The following LRBA variants were observed in gnomAD, a reference collection of about 807,000 sequenced individuals.
LRBA encodes lipopolysaccharide-responsive and beige-like anchor protein.
A neutral mutation model predicts 330.0 loss-of-function variants in LRBA; 176 were observed. That is an observed-to-expected ratio of 0.53 (90% confidence interval 0.47 to 0.60). The LOEUF (loss-of-function observed/expected upper bound fraction) is 0.60, where lower values mean the gene tolerates loss of function less well. Ranked by LOEUF, LRBA falls within the 20% of genes least tolerant of loss-of-function variation. LRBA has a pLI of 0.00. For synonymous variants in LRBA, 1,230 were observed against 1,193.0 expected, an observed-to-expected ratio of 1.03 and a Z score of -0.64; for missense variants, 3,259 against 3,444.8, an observed-to-expected ratio of 0.95 and a Z score of 1.35.
rs373680922 is a variant in LRBA at position 150,490,978 on chromosome 4, T to C, written c.6388A>G (p.Ile2130Val). The C allele has an allele frequency of 6.8e-6, 11 of 1,610,342 alleles. No homozygotes were observed. In the African/African-American group the frequency reaches 8.0e-5, roughly 12 times the overall value. ...GKWLFTEIRSIFSRRYLLQNT... is the reference protein window; with the variant it reads ...GKWLFTEIRSVFSRRYLLQNT... ...TGCAAAAGATAACGACGAGAAAAGATTGATCGTATCTCTGTGAACAGCCAT... is the reference window on the plus strand; with the variant it reads ...TGCAAAAGATAACGACGAGAAAAGACTGATCGTATCTCTGTGAACAGCCAT... The change falls in exon 41 of 57, where the codon ATC (isoleucine) becomes GTC (valine). Residue 2130 changes from isoleucine (I) to valine (V), a missense_variant. Coordinates refer to ENST00000651943, the MANE Select transcript of LRBA (RefSeq NM_001364905.1).
chr4:150,951,041 T>C (rs1736780176), intron 2 of LRBA, among the ~76,000 whole-genome samples: 1 of 152,210 alleles, frequency 6.6e-6, no homozygotes, highest in Non-Finnish European at 1.5e-5. Flanking sequence ...TTCCCTGCCA[T>C]GTGGACAGAG....
At chr4:150,669,562 T>C (rs534795453) in intron 37 of LRBA, among the ~76,000 whole-genome samples, 1 of 152,034 alleles carries the variant, frequency 6.6e-6, no homozygotes, top group Non-Finnish European at 1.5e-5. Context: ...AGATTTGAGC[T>C]TGTCTAATAT....
chr4:150,973,246 CA>C (rs1361758149), intron 2 of LRBA, among the ~76,000 whole-genome samples: 3 of 152,224 alleles, frequency 2.0e-5, no homozygotes, highest in African/African-American at 7.2e-5. Context: ...CAGCTCACTG[CA>C]ACCTCCGCCT....
chr4:150,286,433 T>C (rs1266166310), intron 53 of LRBA, among the ~76,000 whole-genome samples: 1 of 152,174 alleles, frequency 6.6e-6, no homozygotes, highest in Non-Finnish European at 1.5e-5. Flanking sequence ...TCATCCTTTG[T>C]GGGCCGCTGA....
chr4:150,856,086 C>A (rs1164483509), intron 22 of LRBA, among the ~76,000 whole-genome samples: 1 of 152,194 alleles, frequency 6.6e-6, no homozygotes, highest in African/African-American at 2.4e-5. Flanking sequence ...TTTTTCAATT[C>A]TAAGCTCACC....
intron 40 of LRBA, among the ~76,000 whole-genome samples, chr4:150,509,702 C>T (rs981528230): frequency 7.3e-5 from 11 of 150,590 alleles, no homozygotes; most frequent in East Asian, 1.9e-4. Flanking sequence ...ATGTAAATCA[C>T]GAATATCAGG....
At chr4:150,338,759 T>C (rs1267284519) in intron 48 of LRBA, among the ~76,000 whole-genome samples, 1 of 152,254 alleles carries the variant, frequency 6.6e-6, no homozygotes, top group East Asian at 1.9e-4. Flanking sequence ...GCAGAGGCTT[T>C]TTTTCTTTAC....
intron 5 of LRBA, among the ~76,000 whole-genome samples, chr4:150,920,076 G>C (rs1733072802): frequency 1.3e-5 from 2 of 152,094 alleles, no homozygotes; most frequent in Admixed American, 1.3e-4. Context: ...TTCAAAGAAA[G>C]TTGTATATTG....
At chr4:150,446,876 C>T (rs886181653) in intron 44 of LRBA, among the ~76,000 whole-genome samples, 2 of 152,220 alleles carry the variant, frequency 1.3e-5, no homozygotes, top group East Asian at 1.9e-4. Flanking sequence ...TTACATTTTA[C>T]CCTTTTTAAA....
At chr4:150,661,647 A>G (rs1225415464) in intron 37 of LRBA, among the ~76,000 whole-genome samples, 2 of 151,912 alleles carry the variant, frequency 1.3e-5, no homozygotes, top group Non-Finnish European at 2.9e-5. Flanking sequence ...GTCTCACTCT[A>G]TCGCCCAGGC....
intron 36 of LRBA, among the ~76,000 whole-genome samples, chr4:150,707,900 A>C (rs940814980): frequency 1.1e-4 from 17 of 151,850 alleles, no homozygotes; most frequent in Non-Finnish European, 1.3e-4. Flanking sequence ...GTATTAAATA[A>C]TAACTTCATT....
intron 2 of LRBA, among the ~76,000 whole-genome samples, chr4:150,939,313 T>C (rs180822352): frequency 3.0e-4 from 46 of 152,348 alleles, no homozygotes; most frequent in African/African-American, 1.0e-3. Context: ...ATATGACTGT[T>C]ACCCTTATAA....
rs751611315 is a variant in LRBA, at chr4:150,868,306, C to T, written c.2450-1G>A. On this transcript the variant is annotated splice_acceptor_variant, in intron 20 of 56. Transcript: ENST00000651943. LOFTEE classifies it high-confidence loss of function. ...AGGGTCGCAATTACTTTTAGTATCT[C>T]TGTAAGACAGTTTATAAATAAGTAA... The T allele has an allele frequency of 1.3e-6, 2 of 1,590,584 alleles. No individual in the cohort carries two copies. The highest frequency in any genetic ancestry group is 3.5e-5 in the Admixed American group (2 of 57,102).
intron 9 of LRBA, 109 bp from the exon 10 acceptor site, chr4:150,908,966 A>G (rs1731651950): frequency 4.4e-6 from 3 of 689,036 alleles, no homozygotes; most frequent in South Asian, 2.1e-5. Flanking sequence ...ATCTTTTAAC[A>G]GTATTATATA....
At chr4:150,307,002 G>C (rs1730434680) in intron 52 of LRBA, among the ~76,000 whole-genome samples, 1 of 151,782 alleles carries the variant, frequency 6.6e-6, no homozygotes, top group Non-Finnish European at 1.5e-5. Flanking sequence ...ACAATATCTA[G>C]TATGTGAGAG....
At chr4:150,709,125 G>C (rs996765592) in intron 36 of LRBA, among the ~76,000 whole-genome samples, 3 of 151,724 alleles carry the variant, frequency 2.0e-5, no homozygotes, top group African/African-American at 7.3e-5. Flanking sequence ...TCATAGAAGG[G>C]AAATTAAGAC....
intron 36 of LRBA, among the ~76,000 whole-genome samples, chr4:150,731,734 T>C (rs1034281670): frequency 1.3e-5 from 2 of 152,100 alleles, no homozygotes; most frequent in African/African-American, 4.8e-5. Flanking sequence ...CGATGATCTA[T>C]AGGTATAAAA....
chr4:150,744,923 T>C (rs1012557944), intron 35 of LRBA, among the ~76,000 whole-genome samples: 1 of 152,212 alleles, frequency 6.6e-6, no homozygotes, highest in African/African-American at 2.4e-5. Context: ...GGTACTTATG[T>C]AATAAAGTTC....
Position 150,852,962 on chromosome 4 carries a change from A to T in LRBA, c.2767-19T>A. ...AAGTGACCTAGGTGAAAAATGTACA[A>T]TCAGTTAAAATATGCATGAGAAATG... On this transcript the variant is annotated intron_variant, in intron 22 of 56. Coordinates refer to ENST00000651943, the MANE Select transcript of LRBA (RefSeq NM_001364905.1). The T allele has an allele frequency of 6.8e-7, 1 of 1,468,286 alleles. No individual in the cohort carries two copies. The highest frequency in any genetic ancestry group is 9.2e-7 in the Non-Finnish European group (1 of 1,090,388). The allele number at this position is 1,468,286 out of a possible 1,614,324, so 91.0% of individuals were successfully genotyped here.
Sources: gnomAD v4.1 joint callset for allele counts (sites outside exome capture counted in the v4.1 genomes callset) on GRCh38, gnomAD v4.1.1 for gene constraint, MANE v1.5 for transcripts, NCBI Gene and HGNC (gene_info 2026-07-23, HGNC 2026-07-21) for gene names.